Variants in IL1RAPL1 observed in about 807,000 individuals in gnomAD.
The protein encoded by IL1RAPL1 is interleukin-1 receptor accessory protein-like 1.
A neutral mutation model predicts 48.4 loss-of-function variants in IL1RAPL1; 3 were observed. That is an observed-to-expected ratio of 0.06 (90% CI 0.03 to 0.16). The LOEUF is 0.16. Ranked by LOEUF, IL1RAPL1 falls within the 10% of genes least tolerant of loss-of-function variation. The pLI is 1.00. For synonymous variants in IL1RAPL1, 185 were observed against 187.7 expected (o/e 0.99, Z 0.12); for missense variants, 349 against 530.6 (o/e 0.66, Z 3.36).
At chrX:29,153,649 C>A (rs1929510844) in intron 2 of IL1RAPL1, among the ~76,000 whole-genome samples, 1 of 112,383 alleles carries the variant, frequency 8.9e-6, no homozygotes, top group Admixed American at 9.5e-5. Context: ...AGCGATTAGC[C>A]TACTTCTAGC....
intron 1 of IL1RAPL1, among the ~76,000 whole-genome samples, chrX:28,719,242 G>T (rs1477252932): frequency 5.4e-5 from 6 of 110,788 alleles, no homozygotes; most frequent in Non-Finnish European, 1.1e-4. Context: ...GTCACATAAA[G>T]ATATTAATAT....
chrX:29,064,560 TTTTG>T (rs968937506), intron 2 of IL1RAPL1, among the ~76,000 whole-genome samples: 3 of 109,222 alleles, frequency 2.7e-5, no homozygotes, highest in Non-Finnish European at 5.7e-5. Context: ...TGTTTTTTGT[TTTTG>T]TTTTTGTTTT....
intron 2 of IL1RAPL1, among the ~76,000 whole-genome samples, chrX:29,168,050 T>A (rs911492928): frequency 1.8e-5 from 2 of 110,989 alleles, no homozygotes; most frequent in Admixed American, 1.9e-4. Flanking sequence ...TACTTTTACA[T>A]TTTTTATTTA....
At chrX:29,341,540 A>G (rs1394034381) in intron 3 of IL1RAPL1, among the ~76,000 whole-genome samples, 2 of 111,854 alleles carry the variant, frequency 1.8e-5, no homozygotes, top group African/African-American at 6.5e-5. Flanking sequence ...TGAAGATGAA[A>G]AAGTTGAGTC....
chrX:29,705,600 A>G (rs1927171986), intron 6 of IL1RAPL1, among the ~76,000 whole-genome samples: 2 of 112,372 alleles, frequency 1.8e-5, no homozygotes, highest in Admixed American at 1.9e-4. Context: ...AAATGAGCAG[A>G]CTAACATTCA....
chrX:29,888,382 C>A (rs1330858658), intron 6 of IL1RAPL1, among the ~76,000 whole-genome samples: 1 of 110,040 alleles, frequency 9.1e-6, no homozygotes, highest in Admixed American at 9.8e-5. Context: ...CGCCACCACA[C>A]TTGGCTAATT....
At chrX:29,355,021 C>T (rs1933282977) in intron 3 of IL1RAPL1, among the ~76,000 whole-genome samples, 1 of 111,526 alleles carries the variant, frequency 9.0e-6, no homozygotes, top group Non-Finnish European at 1.9e-5. Flanking sequence ...ATGGGGGTGA[C>T]CAGGAAAAGT....
At chrX:28,814,765 TTTTTCTGGC>T (rs200589040) in intron 2 of IL1RAPL1, among the ~76,000 whole-genome samples, 2,757 of 87,109 alleles carry the variant, frequency 0.032, 82 homozygotes, top group African/African-American at 0.099. Flanking sequence ...ATTTCCCCTC[TTTTTCTGGC>T]TTTTCTGGCT....
chrX:29,158,366 T>G (rs1179627710), intron 2 of IL1RAPL1, among the ~76,000 whole-genome samples: 1 of 111,516 alleles, frequency 9.0e-6, no homozygotes, highest in African/African-American at 3.3e-5. Flanking sequence ...CACTTTTAAT[T>G]TGATGGTCAT....
intron 2 of IL1RAPL1, among the ~76,000 whole-genome samples, chrX:29,106,352 G>T (rs1017188394): frequency 9.0e-6 from 1 of 110,988 alleles, no homozygotes; most frequent in African/African-American, 3.3e-5. Flanking sequence ...ACCTTGCTAT[G>T]AAAAATTCTT....
At chrX:29,050,857 C>A (rs1189886006) in intron 2 of IL1RAPL1, among the ~76,000 whole-genome samples, 1 of 112,027 alleles carries the variant, frequency 8.9e-6, no homozygotes, top group Admixed American at 9.5e-5. Flanking sequence ...GAAAAGCAAT[C>A]CATGTACAAA....
intron 2 of IL1RAPL1, among the ~76,000 whole-genome samples, chrX:29,200,324 G>GC (rs973690293): frequency 5.4e-5 from 6 of 111,033 alleles, no homozygotes; most frequent in African/African-American, 1.6e-4. Context: ...CTGTGGCACA[G>GC]CCCCCCCTTG....
At chrX:29,609,053 T>A (rs753054084) in intron 5 of IL1RAPL1, among the ~76,000 whole-genome samples, 1 of 111,763 alleles carries the variant, frequency 8.9e-6, no homozygotes, top group African/African-American at 3.3e-5. Flanking sequence ...TTTGCATAAT[T>A]TATGCTGATA....
chrX:29,524,395 A>G (rs971873735), intron 5 of IL1RAPL1, among the ~76,000 whole-genome samples: 1 of 111,236 alleles, frequency 9.0e-6, no homozygotes, highest in Non-Finnish European at 1.9e-5. Flanking sequence ...GATTTTTATT[A>G]TTGATTTAAA....
rs1431253026 is a variant in IL1RAPL1, at chrX:29,265,543, C to G, written c.83-17395C>G. Among the ~76,000 whole-genome samples the G allele has an allele frequency of 7.7e-5, 8 of 104,452 alleles. No individual in the cohort carries two copies. In the Admixed American group the frequency reaches 8.3e-4, roughly 11 times the overall value. 90.7% of individuals were successfully genotyped at this position (104,452 alleles called of 115,157 possible). On this transcript the variant is annotated intron_variant, in intron 2 of 10. Coordinates refer to ENST00000378993, the MANE Select transcript of IL1RAPL1 (RefSeq NM_014271.4). Reference sequence around the variant, plus strand: ...TGTGCAGGTTAGTTACATATGTATACATGTGCCATGCTGGTGTGCTGCACC... The same window carrying G: ...TGTGCAGGTTAGTTACATATGTATAGATGTGCCATGCTGGTGTGCTGCACC...
Position 29,512,741 on chromosome X carries a change from A to C in IL1RAPL1, c.703+113433A>C, listed in dbSNP as rs747654400. On this transcript the variant is annotated intron_variant, in intron 5 of 10. Transcript: ENST00000378993. The stretch of plus-strand genomic sequence containing the variant: ...TGTGATCAGGTGATTAGCATTACAT[A>C]TTCCCAAGAATAAATGATTCCACAC... 4.5e-5 allele frequency among the ~76,000 whole-genome samples: 5 copies of C among 112,169 alleles called. No homozygotes were observed. The South Asian group carries it at 1.8e-3, about 41-fold the overall frequency.
chrX:29,579,449 T>A (rs1484246807), intron 5 of IL1RAPL1, among the ~76,000 whole-genome samples: 3 of 111,830 alleles, frequency 2.7e-5, no homozygotes, highest in Non-Finnish European at 3.8e-5. Flanking sequence ...TGAACTTTGA[T>A]TAACTAAAAT....
intron 5 of IL1RAPL1, among the ~76,000 whole-genome samples, chrX:29,493,947 T>C (rs1312038245): frequency 5.4e-5 from 6 of 111,227 alleles, no homozygotes; most frequent in African/African-American, 2.0e-4. Context: ...CAGGCTGGAG[T>C]GCAGTGGCAC....
At chrX:29,239,229 T>C (rs1931362982) in intron 2 of IL1RAPL1, among the ~76,000 whole-genome samples, 1 of 112,263 alleles carries the variant, frequency 8.9e-6, no homozygotes, top group South Asian at 3.6e-4. Flanking sequence ...CTATGTGGAA[T>C]TTATCTTGGG....
Sources: allele counts gnomAD v4.1 joint callset (sites outside exome capture counted in the v4.1 genomes callset), GRCh38; gene constraint gnomAD v4.1.1; transcripts MANE v1.5; gene names NCBI Gene and HGNC (gene_info 2026-07-23, HGNC 2026-07-21).